JMJD1C: variants seen among roughly 807,000 people sequenced by gnomAD.
JMJD1C encodes the protein jumonji domain-containing protein 1C.
Under a neutral mutation model 245.3 loss-of-function variants are expected in JMJD1C, and 31 were observed. The ratio of observed to expected loss-of-function variants is 0.13; its 90% confidence interval spans 0.09 to 0.17. The LOEUF is 0.17. JMJD1C is among the 10% of genes least tolerant of loss of function. The pLI, the probability that JMJD1C is intolerant of heterozygous loss-of-function variation, is 1.00. For synonymous variants in JMJD1C, 1,057 were observed against 1,017.4 expected, an observed-to-expected ratio of 1.04 and a Z score of -0.74; for missense variants, 2,691 against 3,000.2, an observed-to-expected ratio of 0.90 and a Z score of 2.41.
intron 2 of JMJD1C, among the ~76,000 whole-genome samples, chr10:63,300,544 T>C (rs941464330): frequency 6.6e-6 from 1 of 152,192 alleles, no homozygotes; most frequent in Non-Finnish European, 1.5e-5. Context: ...TGAATCTTCA[T>C]ATCATGTGAA....
chr10:63,205,433 T>TG (rs904396487), intron 10 of JMJD1C, among the ~76,000 whole-genome samples: 2 of 152,222 alleles, frequency 1.3e-5, no homozygotes, highest in African/African-American at 4.8e-5. Flanking sequence ...CAAAAATACT[T>TG]GGGGGAAAAA....
intron 1 of JMJD1C, among the ~76,000 whole-genome samples, chr10:63,492,535 G>A (rs111582871): frequency 0.037 from 5,608 of 152,022 alleles, 335 homozygotes; most frequent in East Asian, 0.29. Context: ...GCGTGGTGGC[G>A]TGGTGGCGTG....
chr10:63,324,039 C>CT (rs71463513), intron 2 of JMJD1C, among the ~76,000 whole-genome samples: 85,252 of 135,976 alleles, frequency 0.63, 28,488 homozygotes, highest in Non-Finnish European at 0.76. Flanking sequence ...CTTCGTCTGC[C>CT]TTTTTTTTTT....
chr10:63,193,574 G>A (rs1444312996), intron 14 of JMJD1C, 102 bp from the exon 15 acceptor site: 5 of 693,128 alleles, frequency 7.2e-6, no homozygotes, highest in Admixed American at 3.3e-5. Context: ...GAATAACGGA[G>A]GTTTTCTTGT....
At chr10:63,338,981 T>A (rs6479894) in intron 2 of JMJD1C, among the ~76,000 whole-genome samples, 3 of 152,110 alleles carry the variant, frequency 2.0e-5, no homozygotes, top group Non-Finnish European at 2.9e-5. Context: ...TTGTGTAGTA[T>A]GAAAGATTAT....
At chr10:63,186,865 C>T (rs540703480) in intron 18 of JMJD1C, among the ~76,000 whole-genome samples, 18 of 152,242 alleles carry the variant, frequency 1.2e-4, no homozygotes, top group African/African-American at 4.1e-4. Flanking sequence ...ATATAGAGAA[C>T]ACAGTAAGCT....
chr10:63,293,201 G>A (rs539658445), intron 2 of JMJD1C, among the ~76,000 whole-genome samples: 5 of 152,146 alleles, frequency 3.3e-5, no homozygotes, highest in South Asian at 4.1e-4. Flanking sequence ...TGACTTCCTC[G>A]ACCTTTTCTT....
At chr10:63,290,218 G>C (rs1858484092) in intron 2 of JMJD1C, among the ~76,000 whole-genome samples, 2 of 152,150 alleles carry the variant, frequency 1.3e-5, no homozygotes, top group South Asian at 2.1e-4. Flanking sequence ...GCATATATTA[G>C]ACTTCTAGGG....
chr10:63,352,634 T>C (rs1262344450), intron 2 of JMJD1C, among the ~76,000 whole-genome samples: 2 of 74,238 alleles, frequency 2.7e-5, no homozygotes, highest in African/African-American at 8.1e-5. Flanking sequence ...TGAGACTCTG[T>C]CTCAAAAAAA....
At chr10:63,203,997 T>C (rs1846314559) in intron 10 of JMJD1C, 25 of 983,664 alleles carry the variant, frequency 2.5e-5, no homozygotes, top group East Asian at 1.1e-4. Flanking sequence ...TTAAAGAACT[T>C]TTCTGTGCTC....
intron 2 of JMJD1C, among the ~76,000 whole-genome samples, chr10:63,336,828 T>C (rs1158503573): frequency 1.3e-5 from 2 of 152,082 alleles, no homozygotes; most frequent in African/African-American, 2.4e-5. Flanking sequence ...GCCCACTGCA[T>C]TCAACTCTAG....
At chr10:63,272,321 G>A (rs1013380848) in intron 2 of JMJD1C, among the ~76,000 whole-genome samples, 3 of 151,802 alleles carry the variant, frequency 2.0e-5, no homozygotes, top group South Asian at 2.1e-4. Flanking sequence ...GCACAATCTC[G>A]GCTCACTGCA....
chr10:63,235,880 G>A (rs1850671368), intron 3 of JMJD1C, among the ~76,000 whole-genome samples: 1 of 152,068 alleles, frequency 6.6e-6, no homozygotes, highest in Non-Finnish European at 1.5e-5. Flanking sequence ...TAGGAATATG[G>A]TCACATAAAA....
chr10:63,277,560 C>CAA (rs1016447870), intron 2 of JMJD1C, among the ~76,000 whole-genome samples: 18 of 151,832 alleles, frequency 1.2e-4, no homozygotes, highest in African/African-American at 3.6e-4. Context: ...ATAACTAGCT[C>CAA]AAAACATGGC....
intron 1 of JMJD1C, among the ~76,000 whole-genome samples, chr10:63,485,884 T>C (rs915920005): frequency 1.3e-5 from 2 of 152,156 alleles, no homozygotes; most frequent in Non-Finnish European, 2.9e-5. Flanking sequence ...ATATGGCCTC[T>C]GTTCCCACCA....
At chr10:63,356,912 CTGTT>C (rs1263526974) in intron 2 of JMJD1C, among the ~76,000 whole-genome samples, 1 of 152,158 alleles carries the variant, frequency 6.6e-6, no homozygotes, top group African/African-American at 2.4e-5. Context: ...TACCCTATGC[CTGTT>C]TATTCATCTA....
At chr10:63,233,702 ATATG>A (rs1322360341) in intron 3 of JMJD1C, among the ~76,000 whole-genome samples, 2 of 150,484 alleles carry the variant, frequency 1.3e-5, no homozygotes, top group Non-Finnish European at 3.0e-5. Flanking sequence ...TTTTATATAT[ATATG>A]TATCTCCATA....
chr10:63,194,900 T>G (rs1202666389), intron 13 of JMJD1C, among the ~76,000 whole-genome samples: 4 of 152,328 alleles, frequency 2.6e-5, no homozygotes, highest in African/African-American at 7.2e-5. Flanking sequence ...CCTGAAGTTG[T>G]AAAGAATTAA....
intron 2 of JMJD1C, among the ~76,000 whole-genome samples, chr10:63,292,144 A>ATTTGTTTTTTTTTTTT (rs1858837827): frequency 1.8e-5 from 1 of 56,326 alleles, no homozygotes; most frequent in Non-Finnish European, 3.2e-5. Context: ...GTAGAGACAG[A>ATTTGTTTTTTTTTTTT]TTTTTTTTTT....
Sources: gnomAD v4.1 joint callset for allele counts (sites outside exome capture counted in the v4.1 genomes callset) on GRCh38, gnomAD v4.1.1 for gene constraint, MANE v1.5 for transcripts, NCBI Gene and HGNC (gene_info 2026-07-23, HGNC 2026-07-21) for gene names.